Variants in NRXN1 observed in about 807,000 individuals in gnomAD.
NRXN1 encodes neurexin 1.
In NRXN1, 39 loss-of-function variants were observed where a neutral mutation model predicts 150.9. The ratio of observed to expected loss-of-function variants is 0.26; its 90% CI spans 0.20 to 0.34. NRXN1 has a LOEUF of 0.34. Ranked by LOEUF, NRXN1 falls within the 10% of genes least tolerant of loss-of-function variation. NRXN1 has a pLI of 1.00. For missense variants in NRXN1, 1,815 were observed against 1,949.9 expected (o/e 0.93, Z 1.30); for synonymous variants, 924 against 757.0 (o/e 1.22, Z -3.62).
intron 15 of NRXN1, among the ~76,000 whole-genome samples, chr2:50,495,377 TGTG>T (rs1404723212): frequency 1.8e-3 from 12 of 6,686 alleles, no homozygotes; most frequent in East Asian, 8.2e-3. Context: ...TGTGTGTGTG[TGTG>T]GTGTGTGTGT....
At chr2:50,402,197 G>T (rs1297362921) in intron 17 of NRXN1, among the ~76,000 whole-genome samples, 1 of 151,886 alleles carries the variant, frequency 6.6e-6, no homozygotes, top group East Asian at 1.9e-4. Flanking sequence ...AGGTACCTAG[G>T]GATCAAAGTA....
chr2:50,805,444 C>A (rs564602619), intron 5 of NRXN1, among the ~76,000 whole-genome samples: 2 of 152,152 alleles, frequency 1.3e-5, no homozygotes, highest in East Asian at 3.9e-4. Context: ...CACTTGAGGC[C>A]AGGAATTCGA....
chr2:50,192,902 C>A (rs956234729), intron 18 of NRXN1, among the ~76,000 whole-genome samples: 3 of 152,144 alleles, frequency 2.0e-5, no homozygotes, highest in African/African-American at 7.2e-5. Context: ...CAGGCGTGAG[C>A]CACCCGCCCC....
intron 2 of NRXN1, among the ~76,000 whole-genome samples, chr2:51,001,667 C>T (rs1446663744): frequency 6.6e-6 from 1 of 151,934 alleles, no homozygotes; most frequent in Non-Finnish European, 1.5e-5. Flanking sequence ...AAAATTCCCA[C>T]AATTCACGCT....
intron 21 of NRXN1, among the ~76,000 whole-genome samples, chr2:49,990,222 AG>A (rs1681684421): frequency 6.6e-6 from 1 of 152,152 alleles, no homozygotes; most frequent in African/African-American, 2.4e-5. Context: ...ATATGACTAC[AG>A]GGGGAAAAAC....
At chr2:50,472,920 T>A (rs2089657886) in intron 15 of NRXN1, among the ~76,000 whole-genome samples, 2 of 151,694 alleles carry the variant, frequency 1.3e-5, no homozygotes, top group South Asian at 4.2e-4. Context: ...TCATGATGAT[T>A]AAATGAGATG....
At chr2:50,780,318 C>G (rs533308537) in intron 5 of NRXN1, among the ~76,000 whole-genome samples, 1 of 152,136 alleles carries the variant, frequency 6.6e-6, no homozygotes, top group East Asian at 1.9e-4. Flanking sequence ...GTGGTTTTTT[C>G]ACTTACTAGT....
At chr2:50,589,761 C>T (rs7565722) in intron 8 of NRXN1, among the ~76,000 whole-genome samples, 121,273 of 142,150 alleles carry the variant, frequency 0.85, 53,092 homozygotes, top group Non-Finnish European at 0.94. Context: ...CACCAAAAGA[C>T]TGTGTCTTGC....
At chr2:50,706,631 T>A (rs2105007053) in intron 5 of NRXN1, among the ~76,000 whole-genome samples, 1 of 152,218 alleles carries the variant, frequency 6.6e-6, no homozygotes, top group East Asian at 1.9e-4. Context: ...CACTATTAAA[T>A]ATTTCAGTTC....
At chr2:50,784,970 A>C (rs1704876643) in intron 5 of NRXN1, among the ~76,000 whole-genome samples, 1 of 152,090 alleles carries the variant, frequency 6.6e-6, no homozygotes, top group South Asian at 2.1e-4. Flanking sequence ...CCTAACTCCC[A>C]ATGTGACTGT....
chr2:50,303,697 T>C (rs1330911120), intron 17 of NRXN1, among the ~76,000 whole-genome samples: 4 of 152,182 alleles, frequency 2.6e-5, no homozygotes, highest in Admixed American at 1.3e-4. Context: ...ACAAAATTTA[T>C]TGAAAAGCAT....
At chr2:50,199,691 T>C (rs2062026091) in intron 18 of NRXN1, among the ~76,000 whole-genome samples, 1 of 151,876 alleles carries the variant, frequency 6.6e-6, no homozygotes, top group Non-Finnish European at 1.5e-5. Context: ...TTTCCAAGAG[T>C]GGTAAGGGAG....
At chr2:50,278,559 G>T (rs2070976547) in intron 17 of NRXN1, among the ~76,000 whole-genome samples, 3 of 151,320 alleles carry the variant, frequency 2.0e-5, no homozygotes, top group Admixed American at 1.3e-4. Flanking sequence ...CCTGTATTTT[G>T]TTAATATGAA....
chr2:50,488,774 T>C (rs994792589), intron 15 of NRXN1, among the ~76,000 whole-genome samples: 1 of 152,198 alleles, frequency 6.6e-6, no homozygotes, highest in Middle Eastern at 3.2e-3. Flanking sequence ...AAGATTTAAA[T>C]CTTACTTGAA....
chr2:50,119,475 T>C (rs1028874809), intron 18 of NRXN1, among the ~76,000 whole-genome samples: 4 of 151,966 alleles, frequency 2.6e-5, no homozygotes, highest in Non-Finnish European at 5.9e-5. Flanking sequence ...GAGCTTTCTT[T>C]GTCATGTCTA....
At chr2:50,553,048 A>T (rs1365471762) in intron 8 of NRXN1, 23 bp from the exon 9 acceptor site, 2 of 1,512,548 alleles carry the variant, frequency 1.3e-6, no homozygotes, top group African/African-American at 2.8e-5. Context: ...GATAGCAGTG[A>T]GAAACTAGCC....
chr2:50,744,642 G>C (rs1297544213), intron 5 of NRXN1, among the ~76,000 whole-genome samples: 1 of 152,004 alleles, frequency 6.6e-6, no homozygotes, highest in East Asian at 1.9e-4. Flanking sequence ...TTGAGGTCCA[G>C]GCTACTTAAG....
chr2:50,082,448 G>C (rs1293782157), intron 19 of NRXN1, among the ~76,000 whole-genome samples: 3 of 152,032 alleles, frequency 2.0e-5, no homozygotes, highest in Non-Finnish European at 4.4e-5. Flanking sequence ...TTTTATGAAG[G>C]GCTGCTATTT....
chr2:51,026,557 T>C (rs751915931), intron 2 of NRXN1: 2 of 853,218 alleles, frequency 2.3e-6, no homozygotes, highest in Non-Finnish European at 3.8e-6. Flanking sequence ...AAATTACAAC[T>C]TGGCCTCCAC....
Sources: allele counts gnomAD v4.1 joint callset (sites outside exome capture counted in the v4.1 genomes callset), GRCh38; gene constraint gnomAD v4.1.1; transcripts MANE v1.5; gene names NCBI Gene and HGNC (gene_info 2026-07-23, HGNC 2026-07-21).